Variants in TMEM132D observed in about 807,000 individuals in gnomAD.
The protein encoded by TMEM132D is mature OL transmembrane protein.
TMEM132D carries 21 observed loss-of-function variants against 62.3 expected under a neutral mutation model. That is an observed-to-expected ratio of 0.34 (90% CI 0.24 to 0.49). The LOEUF is 0.49. Ranked by LOEUF, TMEM132D falls within the 20% of genes least tolerant of loss-of-function variation. The pLI, the probability that TMEM132D is intolerant of heterozygous loss-of-function variation, is 0.99. For missense variants in TMEM132D, 1,346 were observed against 1,402.8 expected, an observed-to-expected ratio of 0.96 and a Z score of 0.65; for synonymous variants, 621 against 575.6, an observed-to-expected ratio of 1.08 and a Z score of -1.13.
At chr12:129,600,063 T>C (rs1593083181) in intron 2 of TMEM132D, among the ~76,000 whole-genome samples, 1 of 152,232 alleles carries the variant, frequency 6.6e-6, no homozygotes, top group Admixed American at 6.5e-5. Flanking sequence ...TGCCATTTGA[T>C]AGCATTTTAC....
intron 4 of TMEM132D, among the ~76,000 whole-genome samples, chr12:129,317,650 C>G (rs887845842): frequency 1.1e-4 from 16 of 152,112 alleles, no homozygotes; most frequent in African/African-American, 3.6e-4. Context: ...ATGAATTTCC[C>G]AGGTGTTTTT....
At chr12:129,890,440 C>T (rs1874884360) in intron 1 of TMEM132D, among the ~76,000 whole-genome samples, 1 of 152,192 alleles carries the variant, frequency 6.6e-6, no homozygotes, top group Non-Finnish European at 1.5e-5. Flanking sequence ...TTCCCACTGG[C>T]TGCTGGTGTT....
chr12:129,869,389 A>G lies in TMEM132D; in HGVS notation c.79+33872T>C, dbSNP rs761437532. Among the ~76,000 whole-genome samples the G allele has an allele frequency of 1.1e-4, 17 of 152,300 alleles. No homozygotes were observed. The Middle Eastern group carries it at 0.01, about 91-fold the overall frequency. On this transcript the variant is annotated intron_variant, in intron 1 of 8. Coordinates refer to ENST00000422113, the MANE Select transcript of TMEM132D (RefSeq NM_133448.3). The stretch of plus-strand genomic sequence containing the variant: ...AAAATCCTCGGATGCTCAATTCCTG[A>G]TATCAAATGAAATAGTATTTGCATA...
intron 2 of TMEM132D, among the ~76,000 whole-genome samples, chr12:129,607,199 G>A (rs1336230251): frequency 6.6e-6 from 1 of 151,988 alleles, no homozygotes; most frequent in Non-Finnish European, 1.5e-5. Context: ...TTATTATAGC[G>A]AAATGATACC....
intron 3 of TMEM132D, among the ~76,000 whole-genome samples, chr12:129,385,507 A>C (rs1871085522): frequency 6.6e-6 from 1 of 152,150 alleles, no homozygotes; most frequent in Non-Finnish European, 1.5e-5. Context: ...AAATAAACAG[A>C]CTGTTCATTT....
At chr12:129,791,454 A>G (rs536875500) in intron 1 of TMEM132D, among the ~76,000 whole-genome samples, 25 of 152,350 alleles carry the variant, frequency 1.6e-4, no homozygotes, top group Non-Finnish European at 3.4e-4. Flanking sequence ...TTTTAGAGCA[A>G]AACAGTAGAG....
At chr12:129,561,597 T>A (rs1877234671) in intron 2 of TMEM132D, among the ~76,000 whole-genome samples, 2 of 152,200 alleles carry the variant, frequency 1.3e-5, no homozygotes, top group Middle Eastern at 3.2e-3. Context: ...TAAAGCTGCA[T>A]AATATACCCA....
intron 1 of TMEM132D, among the ~76,000 whole-genome samples, chr12:129,759,728 T>A (rs1267683991): frequency 6.6e-6 from 1 of 152,214 alleles, no homozygotes; most frequent in Non-Finnish European, 1.5e-5. Context: ...CAAATGTTGA[T>A]GTATACAGCT....
chr12:129,878,452 C>T (rs1450573038), intron 1 of TMEM132D, among the ~76,000 whole-genome samples: 1 of 152,118 alleles, frequency 6.6e-6, no homozygotes, highest in Non-Finnish European at 1.5e-5. Context: ...GGCTCCATGT[C>T]GCTGGTTTTA....
intron 4 of TMEM132D, among the ~76,000 whole-genome samples, chr12:129,222,777 G>T (rs1170048047): frequency 6.6e-6 from 1 of 152,124 alleles, no homozygotes; most frequent in Non-Finnish European, 1.5e-5. Flanking sequence ...GGGGAATTTT[G>T]GTTAAAGGGT....
At chr12:129,464,342 T>C (rs1438195437) in intron 3 of TMEM132D, among the ~76,000 whole-genome samples, 1 of 152,226 alleles carries the variant, frequency 6.6e-6, no homozygotes, top group Non-Finnish European at 1.5e-5. Flanking sequence ...TGTAAATTTA[T>C]TTAAGTTCAT....
At chr12:129,429,728 TC>T (rs1209427019) in intron 3 of TMEM132D, among the ~76,000 whole-genome samples, 1 of 98,050 alleles carries the variant, frequency 1.0e-5, no homozygotes, top group Non-Finnish European at 2.1e-5. Context: ...ATGCTATCCC[TC>T]CCCCCTCCCC....
chr12:129,452,567 A>T (rs1176219857), intron 3 of TMEM132D, among the ~76,000 whole-genome samples: 2 of 152,214 alleles, frequency 1.3e-5, no homozygotes, highest in African/African-American at 4.8e-5. Flanking sequence ...GGGGGTTATC[A>T]GGTCAGCACT....
intron 3 of TMEM132D, among the ~76,000 whole-genome samples, chr12:129,524,920 C>CTTTTTTTTTTTTTTTTTTTTT (rs761892015): frequency 2.2e-5 from 2 of 92,170 alleles, no homozygotes; most frequent in Non-Finnish European, 3.9e-5. Context: ...ATATTTTTTT[C>CTTTTTTTTTTTTTTTTTTTTT]TTTTTTCTTT....
intron 2 of TMEM132D, among the ~76,000 whole-genome samples, chr12:129,607,758 C>T (rs1878667502): frequency 1.3e-5 from 2 of 152,282 alleles, no homozygotes; most frequent in South Asian, 2.1e-4. Flanking sequence ...TTTTTAAATG[C>T]CTTTTTCTGT....
At chr12:129,116,796 T>C (rs1352616231) in intron 5 of TMEM132D, among the ~76,000 whole-genome samples, 2 of 152,050 alleles carry the variant, frequency 1.3e-5, no homozygotes, top group African/African-American at 4.8e-5. Context: ...CTGGTAGGAA[T>C]GCAAAGTGTA....
intron 2 of TMEM132D, chr12:129,681,291 T>C (rs1270748351): frequency 6.6e-6 from 1 of 152,256 alleles, no homozygotes; most frequent in African/African-American, 2.4e-5. Flanking sequence ...ATGCCACAGC[T>C]TTATTCTATA....
At chr12:129,794,916 A>C (rs1871518085) in intron 1 of TMEM132D, among the ~76,000 whole-genome samples, 1 of 152,148 alleles carries the variant, frequency 6.6e-6, no homozygotes, top group African/African-American at 2.4e-5. Context: ...ATTTCCGGGG[A>C]AATTTAAATC....
intron 2 of TMEM132D, among the ~76,000 whole-genome samples, chr12:129,590,956 G>C (rs1878169724): frequency 6.6e-6 from 1 of 152,104 alleles, no homozygotes. Context: ...AAAAAGTCAA[G>C]TCTTTTATTC....
Sources: gnomAD v4.1 joint callset for allele counts (sites outside exome capture counted in the v4.1 genomes callset) on GRCh38, gnomAD v4.1.1 for gene constraint, MANE v1.5 for transcripts, NCBI Gene and HGNC (gene_info 2026-07-23, HGNC 2026-07-21) for gene names.